Variants in MIER3 observed in about 807,000 individuals in gnomAD.
MIER3 encodes MIER family member 3.
Under a neutral mutation model 63.2 loss-of-function variants are expected in MIER3, and 9 were observed. That is an observed-to-expected ratio of 0.14 (90% CI 0.09 to 0.25). The LOEUF (loss-of-function observed/expected upper bound fraction) is 0.25. MIER3 is among the 10% of genes least tolerant of loss of function. The pLI is 1.00. For missense variants in MIER3, 512 were observed against 666.2 expected (o/e 0.77, Z 2.55); for synonymous variants, 205 against 224.9 (o/e 0.91, Z 0.79).
chr5:56,927,229 A>C (rs992636376), intron 10 of MIER3, among the ~76,000 whole-genome samples: 2 of 152,166 alleles, frequency 1.3e-5, no homozygotes, highest in Admixed American at 1.3e-4. Flanking sequence ...AGCGAACCTT[A>C]ATGTAAACTA....
chr5:56,925,291 T>A, intron 10 of MIER3: 1 of 451,240 alleles, frequency 2.2e-6, no homozygotes, highest in South Asian at 1.6e-5. Context: ...ATAAAAAGTA[T>A]ACAGATTGGG....
At chr5:56,930,619 G>A (rs763289444) in intron 9 of MIER3, 45 bp downstream of exon 9, 1 of 1,510,320 alleles carries the variant, frequency 6.6e-7, no homozygotes, top group Admixed American at 1.7e-5. Context: ...ATCCCCAAAT[G>A]ACCATCCCTG....
Position 56,938,925 on chromosome 5 carries a change from T to G in MIER3, c.273A>C (p.Pro91=). 1 of 1,614,170 alleles carries G rather than the reference T, an allele frequency of 6.2e-7. No individual in the cohort carries two copies. Among genetic ancestry groups the G allele is most frequent in the Non-Finnish European group, 8.5e-7 (1 of 1,180,002 alleles). ...CTGGTAGTTCATCTGCCAGTTCACTTGGGGAACTATTTGCACTGGAATTTG... is the reference window on the plus strand; with the variant it reads ...CTGGTAGTTCATCTGCCAGTTCACTGGGGGAACTATTTGCACTGGAATTTG... The part of the protein sequence containing the change: ...AVANSSANSS[P]SELADELPDM... The change falls in exon 4 of 13, where the codon CCA becomes CCC. Residue 91 remains proline, a synonymous_variant. Transcript: ENST00000381199.
intron 10 of MIER3, among the ~76,000 whole-genome samples, chr5:56,924,338 T>C (rs1380405747): frequency 1.3e-5 from 2 of 152,212 alleles, no homozygotes; most frequent in Non-Finnish European, 2.9e-5. Context: ...CTGAAAATCT[T>C]AAACACTAGC....
intron 3 of MIER3, among the ~76,000 whole-genome samples, chr5:56,943,521 G>T (rs2591959): frequency 6.6e-6 from 1 of 152,084 alleles, no homozygotes; most frequent in Non-Finnish European, 1.5e-5. Context: ...AAAGACACAG[G>T]AATGACCATC....
At chr5:56,949,978 G>C (rs900366225) in intron 2 of MIER3, among the ~76,000 whole-genome samples, 4 of 152,204 alleles carry the variant, frequency 2.6e-5, no homozygotes, top group Non-Finnish European at 4.4e-5. Flanking sequence ...CATATGTGCA[G>C]AGTTCTGGGA....
intron 8 of MIER3, among the ~76,000 whole-genome samples, chr5:56,933,015 AG>A (rs573001417): frequency 2.2e-4 from 33 of 152,348 alleles, no homozygotes; most frequent in African/African-American, 7.9e-4. Flanking sequence ...TGGCATCTCA[AG>A]GAAGACATAT....
At chr5:56,925,603 A>C (rs1749930784) in intron 10 of MIER3, 2 of 199,016 alleles carry the variant, frequency 1.0e-5, no homozygotes, top group Non-Finnish European at 2.1e-5. Flanking sequence ...TAAAGAAATC[A>C]AAGAAGAACT....
Position 56,933,262 on chromosome 5 carries a change from T to C in MIER3, c.732A>G (p.Thr244=). ...IMDRISAGTH[T]RDNEQALYEL... ...TGAAGTATACCTGTTCATTGTCCCT[T>C]GTGTGTGTTCCTGCAGAAATCCTAT... The change falls in exon 8 of 13, where the codon ACA becomes ACG. Residue 244 remains threonine (T), a synonymous_variant. Coordinates refer to ENST00000381199, the MANE Select transcript of MIER3 (RefSeq NM_001297599.2). 1 of 1,610,702 alleles carries C rather than the reference T, an allele frequency of 6.2e-7. No individual in the cohort carries two copies. The highest frequency in any genetic ancestry group is 8.5e-7 in the Non-Finnish European group (1 of 1,178,564).
chr5:56,938,705 A>C (rs1750538277), intron 4 of MIER3, 178 bp downstream of exon 4: 7 of 664,308 alleles, frequency 1.1e-5, no homozygotes, highest in South Asian at 8.0e-5. Context: ...GCTGCTATTA[A>C]TACTACTCTT....
intron 10 of MIER3, chr5:56,925,216 A>G (rs74482990): frequency 2.9e-6 from 1 of 340,098 alleles, no homozygotes. Context: ...AAACATACAG[A>G]AAGTGTGAAA....
chr5:56,952,177 C>G (rs1360295887), upstream of MIER3: 1 of 1,123,740 alleles, frequency 8.9e-7, no homozygotes, highest in African/African-American at 1.7e-5. Flanking sequence ...TCGCAGCCGC[C>G]GCCGCCACCG....
intron 3 of MIER3, among the ~76,000 whole-genome samples, chr5:56,946,100 A>G (rs1313931860): frequency 1.3e-5 from 2 of 152,224 alleles, no homozygotes; most frequent in African/African-American, 4.8e-5. Context: ...AGAAGGAAAT[A>G]AAATAATACT....
At position 56,935,497 on chromosome 5, in the gene MIER3, T is replaced by C; in HGVS notation, c.526A>G (p.Ile176Val). ...GCCTGATATTGTAAACCAATCATTA[T>C]TTCCTACAGGAAAATTGAGAGGTAA... ...GNSPEDLRKE[I>V]MIGLQYQAEI... Residue 176 changes from isoleucine to valine, a missense_variant, in exon 7 of 13, where the codon ATA (isoleucine) becomes GTA (valine). Ile to Val is a conservative substitution (Grantham distance 29, BLOSUM62 3). Coordinates refer to ENST00000381199, the MANE Select transcript of MIER3 (RefSeq NM_001297599.2). 3.8e-6 allele frequency: 6 copies of C among 1,588,946 alleles called. No individual in the cohort carries two copies. Among genetic ancestry groups the C allele is most frequent in the African/African-American group, 2.7e-5 (2 of 73,334 alleles).
rs702681 is a variant in MIER3 at position 56,922,202 on chromosome 5, C to T, written c.*926G>A. 0.62 allele frequency: 93,910 copies of T among 152,542 alleles called. 30,528 individuals carry two copies. Among genetic ancestry groups the T allele is most frequent in the Non-Finnish European group, 0.74 (50,061 of 67,986 alleles). The allele number at this position is 152,542 out of a possible 1,614,324, so 9.4% of individuals were successfully genotyped here. A position where few individuals can be genotyped will look rare whatever the true frequency, so the allele number is the denominator to read the frequency against. ...CAAAATGTAAACCATTGAGTGGCAA[C>T]ATCCTAGGCTTTGTAGACTGTGCCT... On this transcript the variant is annotated 3_prime_UTR_variant, in exon 13 of 13. Transcript: ENST00000381199.
chr5:56,951,066 C>T (rs188838135), intron 1 of MIER3, among the ~76,000 whole-genome samples: 1 of 152,292 alleles, frequency 6.6e-6, no homozygotes, highest in African/African-American at 2.4e-5. Flanking sequence ...TTTTCTGGAA[C>T]GAACTCGCGT....
intron 10 of MIER3, among the ~76,000 whole-genome samples, chr5:56,927,384 T>C (rs1483025362): frequency 6.6e-6 from 1 of 152,162 alleles, no homozygotes; most frequent in Non-Finnish European, 1.5e-5. Flanking sequence ...AACTTTGCTG[T>C]AAACCTGAAA....
intron 9 of MIER3, 94 bp downstream of exon 9, chr5:56,930,570 C>T (rs1043812288): frequency 2.0e-6 from 2 of 989,806 alleles, no homozygotes; most frequent in Non-Finnish European, 3.2e-6. Context: ...AAAAGTGTTA[C>T]AGGATTGCTC....
In MIER3 at chr5:56,928,955, ACTCTCT is replaced by A. The variant is rs150635397; in HGVS notation, c.830-100_830-95del. 1.8e-4 allele frequency: 107 copies of A among 579,004 alleles called. No homozygotes were observed. The Middle Eastern group carries it at 2.3e-3, about 12-fold the overall frequency. The allele number at this position is 579,004 out of a possible 1,614,324, so 35.9% of individuals were successfully genotyped here. On this transcript the variant is annotated intron_variant, in intron 9 of 12. Coordinates refer to ENST00000381199, the MANE Select transcript of MIER3 (RefSeq NM_001297599.2). Reference sequence around the variant, plus strand: ...ATGTTTTCCCTGTAAAAGGTCACAAACTCTCTCTCTCTCTCACACACACACACTCTC... The same window carrying A: ...ATGTTTTCCCTGTAAAAGGTCACAAACTCTCTCTCACACACACACACTCTC...
Sources: gnomAD v4.1 joint callset for allele counts (sites outside exome capture counted in the v4.1 genomes callset) on GRCh38, gnomAD v4.1.1 for gene constraint, MANE v1.5 for transcripts, NCBI Gene and HGNC (gene_info 2026-07-23, HGNC 2026-07-21) for gene names.